The following HERC1 variants were observed in gnomAD, a reference collection of about 807,000 sequenced individuals.
HERC1 encodes probable E3 ubiquitin-protein ligase HERC1.
In HERC1, 160 loss-of-function variants were observed where a neutral mutation model predicts 554.3. The observed-to-expected ratio is 0.29, with a 90% CI of 0.25 to 0.33. The LOEUF (loss-of-function observed/expected upper bound fraction) is 0.33, where lower values mean the gene tolerates loss of function less well. HERC1 is among the 10% of genes least tolerant of loss of function. The pLI is 1.00. For synonymous variants in HERC1, 2,175 were observed against 2,131.7 expected (o/e 1.02, Z -0.56); for missense variants, 4,919 against 5,918.5 (o/e 0.83, Z 5.54).
Position 63,640,449 on chromosome 15 carries a change from A to G in HERC1, c.11608-4T>C. ...GGTCACCACAAACCACATGAGGCTA[A>G]AACAAAATACAAGGATATAATATGT... On this transcript the variant is annotated splice_region_variant and splice_polypyrimidine_tract_variant and intron_variant, in intron 60 of 77. Coordinates refer to ENST00000443617, the MANE Select transcript of HERC1 (RefSeq NM_003922.4). The G allele has an allele frequency of 1.2e-6, 2 of 1,609,056 alleles. No individual in the cohort carries two copies. The highest frequency in any genetic ancestry group is 2.2e-5 in the East Asian group (1 of 44,818).
At chr15:63,679,830 T>C (rs1210006179) in intron 36 of HERC1, among the ~76,000 whole-genome samples, 8 of 152,228 alleles carry the variant, frequency 5.3e-5, no homozygotes, top group Non-Finnish European at 1.0e-4. Context: ...CTAGGTCTTG[T>C]AGTTCTTGTG....
At chr15:63,723,416 T>C in intron 18 of HERC1, 61 bp from the exon 19 acceptor site, 2 of 1,105,910 alleles carry the variant, frequency 1.8e-6, no homozygotes, top group South Asian at 1.8e-5. Flanking sequence ...ACAGATAAAA[T>C]CTTACCACAT....
In HERC1 at chr15:63,767,396, A is replaced by G. The variant is rs1057191303; in HGVS notation, c.931-3205T>C. ...GTGAACTTTTCATCAATCTGTATCTACTGGGCAGATAAACAATAAATAATA... is the reference window on the plus strand; with the variant it reads ...GTGAACTTTTCATCAATCTGTATCTGCTGGGCAGATAAACAATAAATAATA... On this transcript the variant is annotated intron_variant, in intron 2 of 77. Coordinates refer to ENST00000443617, the MANE Select transcript of HERC1 (RefSeq NM_003922.4). 2.5e-4 allele frequency among the ~76,000 whole-genome samples: 38 copies of G among 152,136 alleles called. 1 individual carries two copies. Among genetic ancestry groups the G allele is most frequent in the Admixed American group, 2.0e-4 (3 of 15,276 alleles).
At chr15:63,609,440 G>A (rs1468556366) in intron 77 of HERC1, among the ~76,000 whole-genome samples, 174 bp from the exon 78 acceptor site, 1 of 152,216 alleles carries the variant, frequency 6.6e-6, no homozygotes, top group African/African-American at 2.4e-5. Flanking sequence ...ACTGCCCCGT[G>A]GCCCTCGAGG....
chr15:63,706,616 G>C (rs1195376414), intron 25 of HERC1, among the ~76,000 whole-genome samples, 164 bp downstream of exon 25: 1 of 151,906 alleles, frequency 6.6e-6, no homozygotes, highest in African/African-American at 2.4e-5. Flanking sequence ...TAACTCTTCT[G>C]ATAAAATGAT....
At chr15:63,741,576 G>C (rs1482276587) in intron 12 of HERC1, among the ~76,000 whole-genome samples, 1 of 152,174 alleles carries the variant, frequency 6.6e-6, no homozygotes, top group African/African-American at 2.4e-5. Flanking sequence ...CAAAGTGCTG[G>C]GATTACAGGC....
At position 63,692,325 on chromosome 15, in the gene HERC1, T is replaced by C. The variant is rs2072158491; in HGVS notation, c.5830+86A>G. On this transcript the variant is annotated intron_variant, in intron 31 of 77. Transcript: ENST00000443617. The surrounding 1 kb of genome is among the most constrained non-coding windows in gnomAD (Gnocchi z 4.7). ...AAAGCCTTCAAATCAAGGTTACACATGGAGTGTTGCTAAAGTCTGGCATTA... is the reference window on the plus strand; with the variant it reads ...AAAGCCTTCAAATCAAGGTTACACACGGAGTGTTGCTAAAGTCTGGCATTA... The C allele has an allele frequency of 4.9e-6, 5 of 1,010,482 alleles. No homozygotes were observed. Among genetic ancestry groups the C allele is most frequent in the African/African-American group, 1.6e-5 (1 of 61,098 alleles). The allele number at this position is 1,010,482 out of a possible 1,614,324, so 62.6% of individuals were successfully genotyped here. A position where few individuals can be genotyped will look rare whatever the true frequency, so the allele number is the denominator to read the frequency against.
At chr15:63,796,838 G>T (rs944789551) in intron 1 of HERC1, among the ~76,000 whole-genome samples, 7 of 152,186 alleles carry the variant, frequency 4.6e-5, no homozygotes, top group Admixed American at 4.6e-4. Context: ...TGGAGACCAA[G>T]GTTTTATCAT....
intron 1 of HERC1, among the ~76,000 whole-genome samples, chr15:63,833,519 T>C (rs2078229092): frequency 1.3e-5 from 2 of 151,938 alleles, no homozygotes; most frequent in African/African-American, 4.8e-5. Flanking sequence ...TGTAAGCCGC[T>C]GGAGGGGCGG....
At chr15:63,705,001 G>C (rs557787069) in intron 25 of HERC1, among the ~76,000 whole-genome samples, 1 of 151,840 alleles carries the variant, frequency 6.6e-6, no homozygotes, top group Non-Finnish European at 1.5e-5. Context: ...GCCTCCCAAA[G>C]TGCTGGGATT....
chr15:63,795,065 CAAAAA>C (rs1177647525), intron 1 of HERC1, among the ~76,000 whole-genome samples: 3 of 68,934 alleles, frequency 4.4e-5, no homozygotes, highest in East Asian at 5.5e-4. Context: ...GACTCTGTCT[CAAAAA>C]AAAAAAAAAA....
At chr15:63,668,124 T>A (rs1008396029) in intron 40 of HERC1, among the ~76,000 whole-genome samples, 4 of 152,048 alleles carry the variant, frequency 2.6e-5, no homozygotes, top group African/African-American at 9.7e-5. Context: ...GTTAATTAAT[T>A]CAAAAGAGAA....
At chr15:63,779,074 A>C (rs2076200298) in intron 1 of HERC1, among the ~76,000 whole-genome samples, 1 of 152,128 alleles carries the variant, frequency 6.6e-6, no homozygotes, top group Non-Finnish European at 1.5e-5. Flanking sequence ...GAGTAGACTC[A>C]ATGACATAAA....
At chr15:63,750,426 C>CAAAT (rs1469107878) in intron 8 of HERC1, among the ~76,000 whole-genome samples, 2 of 152,080 alleles carry the variant, frequency 1.3e-5, no homozygotes, top group African/African-American at 4.8e-5. Flanking sequence ...TTTGGCAAGA[C>CAAAT]AAATAGGTGA....
rs376778502 is a variant in HERC1, at chr15:63,666,387, A to G, written c.8292T>C (p.Leu2764=). 2 of 1,613,768 alleles carry G rather than the reference A, an allele frequency of 1.2e-6. No individual in the cohort carries two copies. Among genetic ancestry groups the G allele is most frequent in the African/African-American group, 2.7e-5 (2 of 75,048 alleles). ...CTTCCATGGCTTTGGCAATCTGCCG[A>G]AGAGAGAACCCCATTTCCAGCAAGG... is the stretch of plus-strand genomic sequence containing the variant. ...AVPLLEMGFS[L]RQIAKAMEAT... The change falls in exon 41 of 78, where the codon CTT becomes CTC. Residue 2764 remains leucine, a synonymous_variant. Coordinates refer to ENST00000443617, the MANE Select transcript of HERC1 (RefSeq NM_003922.4).
intron 1 of HERC1, among the ~76,000 whole-genome samples, chr15:63,828,326 T>C (rs181727951): frequency 3.8e-4 from 57 of 151,886 alleles, no homozygotes; most frequent in Admixed American, 9.2e-4. Flanking sequence ...AGTGACACTT[T>C]TCAGTACAAC....
intron 2 of HERC1, among the ~76,000 whole-genome samples, chr15:63,769,932 C>T (rs1429526502): frequency 6.6e-6 from 1 of 152,148 alleles, no homozygotes; most frequent in African/African-American, 2.4e-5. Flanking sequence ...TACTAAATGA[C>T]AATTTTTTTC....
chr15:63,814,845 T>C (rs149259307), intron 1 of HERC1, among the ~76,000 whole-genome samples: 213 of 152,358 alleles, frequency 1.4e-3, no homozygotes, highest in African/African-American at 4.8e-3. Context: ...CCTACCTGTC[T>C]ACGTCTCAAA....
chr15:63,686,325 C>A, intron 34 of HERC1, 34 bp downstream of exon 34: 3 of 1,512,260 alleles, frequency 2.0e-6, no homozygotes, highest in Non-Finnish European at 2.7e-6. Flanking sequence ...GACTAAAAGA[C>A]AAAATGCTAA....
Sources: gnomAD v4.1 joint callset for allele counts (sites outside exome capture counted in the v4.1 genomes callset) on GRCh38, gnomAD v4.1.1 for gene constraint, Gnocchi (gnomAD v3.1) non-coding constraint, MANE v1.5 for transcripts, NCBI Gene and HGNC (gene_info 2026-07-23, HGNC 2026-07-21) for gene names.